Variants in CNNM2 observed in about 807,000 individuals in gnomAD.
The protein encoded by CNNM2 is metal transporter CNNM2.
A neutral mutation model predicts 66.9 loss-of-function variants in CNNM2; 12 were observed. The observed-to-expected ratio is 0.18, with a 90% CI of 0.11 to 0.29. The LOEUF is 0.29. Among genes scored for constraint, CNNM2 ranks in the 10% least tolerant of loss-of-function variants. The pLI, the probability that CNNM2 is intolerant of heterozygous loss-of-function variation, is 1.00. For synonymous variants in CNNM2, 557 were observed against 501.8 expected, an observed-to-expected ratio of 1.11 and a Z score of -1.47; for missense variants, 705 against 1,167.7, an observed-to-expected ratio of 0.60 and a Z score of 5.77.
At chr10:103,037,198 A>G (rs1241852821) in intron 1 of CNNM2, among the ~76,000 whole-genome samples, 1 of 150,780 alleles carries the variant, frequency 6.6e-6, no homozygotes, top group Non-Finnish European at 1.5e-5. Context: ...ATCATATTAA[A>G]GAAGTAGACA....
At chr10:103,019,062 G>C (rs528759925) in intron 1 of CNNM2, among the ~76,000 whole-genome samples, 4 of 151,652 alleles carry the variant, frequency 2.6e-5, no homozygotes, top group Admixed American at 2.6e-4. Flanking sequence ...GAGCCCAGGA[G>C]TTAGAGACCA....
chr10:103,043,324 C>T (rs2065074568), intron 1 of CNNM2, among the ~76,000 whole-genome samples: 1 of 152,216 alleles, frequency 6.6e-6, no homozygotes, highest in African/African-American at 2.4e-5. Context: ...TAATTCCCTT[C>T]CACTACATCC....
chr10:103,055,870 G>A (rs1000065237), intron 3 of CNNM2, among the ~76,000 whole-genome samples: 3 of 152,172 alleles, frequency 2.0e-5, no homozygotes, highest in East Asian at 3.9e-4. Context: ...GCGGGGCCAA[G>A]GCAGGCTGAT....
chr10:103,059,189 G>T (rs1018710560), intron 4 of CNNM2, among the ~76,000 whole-genome samples: 1 of 152,132 alleles, frequency 6.6e-6, no homozygotes, highest in Non-Finnish European at 1.5e-5. Flanking sequence ...GGCCAGGCTG[G>T]TCTTGAACTC....
intron 1 of CNNM2, among the ~76,000 whole-genome samples, chr10:103,020,542 G>T (rs889497771): frequency 1.3e-5 from 2 of 152,090 alleles, no homozygotes; most frequent in Non-Finnish European, 2.9e-5. Context: ...TTTAAGCTTT[G>T]GGAATACAAC....
intron 1 of CNNM2, among the ~76,000 whole-genome samples, chr10:102,977,260 A>G (rs899952541): frequency 4.6e-5 from 7 of 151,886 alleles, no homozygotes; most frequent in Admixed American, 4.6e-4. Flanking sequence ...ATTTTTTTTT[A>G]AAGGTTTTGG....
chr10:102,999,113 C>T (rs1030952895), intron 1 of CNNM2, among the ~76,000 whole-genome samples: 1 of 151,268 alleles, frequency 6.6e-6, no homozygotes, highest in African/African-American at 2.4e-5. Flanking sequence ...CTCTGTCTCC[C>T]AGGCTTGAGT....
intron 1 of CNNM2, among the ~76,000 whole-genome samples, chr10:102,994,200 G>T (rs2063947461): frequency 6.6e-6 from 1 of 152,188 alleles, no homozygotes; most frequent in Admixed American, 6.5e-5. Context: ...GGCTCCCAAA[G>T]TGCTGGGATT....
chr10:102,962,239 G>A (rs1409341981), intron 1 of CNNM2, among the ~76,000 whole-genome samples: 2 of 152,174 alleles, frequency 1.3e-5, no homozygotes, highest in South Asian at 2.1e-4. Context: ...CTAAGGTGAT[G>A]GGTTGATTTG....
chr10:102,968,272 A>C (rs1331655150), intron 1 of CNNM2, among the ~76,000 whole-genome samples: 1 of 151,930 alleles, frequency 6.6e-6, no homozygotes, highest in Non-Finnish European at 1.5e-5. Flanking sequence ...TTTGAGACGG[A>C]GTCTGGCTCT....
intron 1 of CNNM2, among the ~76,000 whole-genome samples, chr10:102,972,638 T>TA (rs1051008805): frequency 2.0e-5 from 3 of 151,990 alleles, no homozygotes; most frequent in African/African-American, 4.8e-5. Context: ...TGTCTCAAAA[T>TA]AAAAAAAGCT....
chr10:102,965,337 T>C (rs557493694), intron 1 of CNNM2, among the ~76,000 whole-genome samples: 5 of 152,316 alleles, frequency 3.3e-5, no homozygotes, highest in Admixed American at 2.0e-4. Flanking sequence ...ACCTCTTAAA[T>C]TGGGCTGGCT....
intron 1 of CNNM2, among the ~76,000 whole-genome samples, chr10:103,028,643 G>C (rs2064754104): frequency 6.6e-6 from 1 of 151,984 alleles, no homozygotes; most frequent in Non-Finnish European, 1.5e-5. Flanking sequence ...CTGGGAAATG[G>C]TTGCTAAAAT....
intron 1 of CNNM2, among the ~76,000 whole-genome samples, chr10:103,037,584 T>C (rs1165613422): frequency 6.6e-6 from 1 of 152,192 alleles, no homozygotes; most frequent in African/African-American, 2.4e-5. Context: ...CTTCTCTCTG[T>C]AATGATGACT....
rs574402795 is a variant in CNNM2 at position 103,064,432 on chromosome 10, C to A, written c.2074-4197C>A. On this transcript the variant is annotated intron_variant, in intron 4 of 7. Coordinates refer to ENST00000369878, the MANE Select transcript of CNNM2 (RefSeq NM_017649.5). ...GTTTTGAGACAGTGCCTCACTATTT[C>A]GCCCAGGCTAGTCTTGAGCTCCTGA... Among the ~76,000 whole-genome samples, 9 of 152,302 alleles carry A rather than the reference C, an allele frequency of 5.9e-5. No individual in the cohort carries two copies. In the South Asian group the frequency reaches 1.9e-3, roughly 32 times the overall value.
chr10:102,973,448 T>C (rs948393192), intron 1 of CNNM2, among the ~76,000 whole-genome samples: 2 of 151,978 alleles, frequency 1.3e-5, no homozygotes, highest in Non-Finnish European at 2.9e-5. Context: ...ACTCAGCTAA[T>C]GTGTGCAATG....
At chr10:102,979,920 A>ATTT (rs201616013) in intron 1 of CNNM2, among the ~76,000 whole-genome samples, 11 of 146,986 alleles carry the variant, frequency 7.5e-5, no homozygotes, top group African/African-American at 2.5e-4. Context: ...TTTTCTTTTT[A>ATTT]TTTTTTTTTT....
At chr10:103,052,475 G>A (rs539299373) in intron 2 of CNNM2, among the ~76,000 whole-genome samples, 1 of 151,402 alleles carries the variant, frequency 6.6e-6, no homozygotes, top group East Asian at 1.9e-4. Flanking sequence ...GTTGCCTGAT[G>A]TTACTGGCTC....
rs746746121 is a variant in CNNM2 at position 103,071,791 on chromosome 10, C to T, written c.2185C>T (p.Arg729Cys). ...TASPVPLSLS[R>C]TFVVSRTELL... Reference sequence around the variant, plus strand: ...TTTTTCAGTTCCTTTGTCCCTGTCTCGTACCTTTGTTGTCAGCAGAACAGA... The same window carrying T: ...TTTTTCAGTTCCTTTGTCCCTGTCTTGTACCTTTGTTGTCAGCAGAACAGA... Residue 729 changes from arginine to cysteine, a missense_variant, in exon 6 of 8, where the codon CGT (arginine) becomes TGT (cysteine). Around this residue, in one of 9 missense-constraint regions of CNNM2, gnomAD observed 194 missense variants for 227.6 expected, o/e 0.85. Coordinates refer to ENST00000369878, the MANE Select transcript of CNNM2 (RefSeq NM_017649.5). The T allele has an allele frequency of 3.7e-6, 6 of 1,613,942 alleles. No homozygotes were observed. The East Asian group carries it at 6.7e-5, about 18-fold the overall frequency.
Sources: gnomAD v4.1 joint callset for allele counts (sites outside exome capture counted in the v4.1 genomes callset) on GRCh38, gnomAD v4.1.1 for gene constraint, gnomAD v4.1.1 regional missense constraint, MANE v1.5 for transcripts, NCBI Gene and HGNC (gene_info 2026-07-23, HGNC 2026-07-21) for gene names.